Variants in TRAPPC3L observed in about 807,000 individuals in gnomAD.
TRAPPC3L encodes the protein trafficking protein particle complex subunit 3L.
Under a neutral mutation model 23.7 loss-of-function variants are expected in TRAPPC3L, and 23 were observed. The ratio of observed to expected loss-of-function variants is 0.97; its 90% CI spans 0.70 to 1.37. The LOEUF is 1.37. Ranked by LOEUF, TRAPPC3L falls within the 40% of genes most tolerant of loss-of-function variation. The probability of loss-of-function intolerance (pLI) is 0.00; values close to 1 mark genes in which losing one functional copy is unlikely to be tolerated. For missense variants in TRAPPC3L, 212 were observed against 216.8 expected (o/e 0.98, Z 0.14); for synonymous variants, 81 against 77.9 (o/e 1.04, Z -0.21).
intron 3 of TRAPPC3L, chr6:116,517,855 C>A (rs192814234): frequency 6.6e-6 from 1 of 152,058 alleles, no homozygotes; most frequent in Admixed American, 6.6e-5. Context: ...AAGGTTGAGT[C>A]GATCACAAAT....
chr6:116,515,622 G>C (rs1299115827), intron 3 of TRAPPC3L: 2 of 1,612,624 alleles, frequency 1.2e-6, no homozygotes, highest in South Asian at 1.1e-5. Flanking sequence ...TGCCTGATTT[G>C]TTCAGCGTCT....
intron 3 of TRAPPC3L, chr6:116,512,410 G>T: frequency 1.4e-6 from 1 of 694,868 alleles, no homozygotes; most frequent in South Asian, 2.4e-5. Flanking sequence ...AGGCTGGGTG[G>T]CTCAATAAAG....
intron 3 of TRAPPC3L, among the ~76,000 whole-genome samples, chr6:116,532,090 GA>G (rs1772762497): frequency 6.6e-6 from 1 of 152,214 alleles, no homozygotes; most frequent in South Asian, 2.1e-4. Flanking sequence ...TCAGTGTAAT[GA>G]AAATTGCTTG....
intron 3 of TRAPPC3L, among the ~76,000 whole-genome samples, chr6:116,509,381 C>T (rs1439861855): frequency 6.6e-6 from 1 of 152,020 alleles, no homozygotes; most frequent in Non-Finnish European, 1.5e-5. Context: ...AGAGCCCCAA[C>T]AGCCAAAGCA....
chr6:116,505,130 G>A lies in TRAPPC3L; in HGVS notation c.241-4464C>T, dbSNP rs1367367436. On this transcript the variant is annotated intron_variant, in intron 3 of 4. Coordinates refer to ENST00000368602, the MANE Select transcript of TRAPPC3L (RefSeq NM_001139444.3). ...ATATTTAGAAAACCCCATTGTCTCA[G>A]CCCAAAATCTCCTTAAGCTGATAAG... Among the ~76,000 whole-genome samples the A allele has an allele frequency of 3.3e-5, 5 of 152,150 alleles. 1 individual carries two copies. The highest frequency in any genetic ancestry group is 1.2e-4 in the African/African-American group (5 of 41,432).
At chr6:116,510,897 G>A (rs1035424988) in intron 3 of TRAPPC3L, among the ~76,000 whole-genome samples, 3 of 151,840 alleles carry the variant, frequency 2.0e-5, no homozygotes, top group African/African-American at 4.8e-5. Context: ...TATTCCAAGC[G>A]AAGTAACTCG....
intron 3 of TRAPPC3L, chr6:116,517,332 T>C (rs1772248058): frequency 1.3e-5 from 2 of 152,168 alleles, no homozygotes; most frequent in Admixed American, 6.6e-5. Context: ...CTTACATTTA[T>C]CAGAAATAAT....
rs144076743 is a variant in TRAPPC3L, at chr6:116,532,236, GTTC to G, written c.240+8124_240+8126del. Among the ~76,000 whole-genome samples, 441 of 152,256 alleles carry G rather than the reference GTTC, an allele frequency of 2.9e-3. 9 individuals carry two copies. In the East Asian group the frequency reaches 0.077, roughly 27 times the overall value. ...GAGCAACAGGGTGTAGATGTGAAAA[GTTC>G]TTCTAGTATTTTCTCTCTTTTTTGT... On this transcript the variant is annotated intron_variant, in intron 3 of 4. Transcript: ENST00000368602.
intron 2 of TRAPPC3L, 129 bp from the exon 3 acceptor site, chr6:116,540,591 T>C: frequency 1.1e-6 from 1 of 882,132 alleles, no homozygotes; most frequent in Non-Finnish European, 1.8e-6. Flanking sequence ...ATATGACGAG[T>C]CAAATGGCTT....
At chr6:116,504,444 C>T (rs555390528) in intron 3 of TRAPPC3L, among the ~76,000 whole-genome samples, 4 of 152,142 alleles carry the variant, frequency 2.6e-5, no homozygotes, top group African/African-American at 9.7e-5. Context: ...CCAAATTCTA[C>T]CAAGAGGTAC....
intron 4 of TRAPPC3L, among the ~76,000 whole-genome samples, chr6:116,497,897 A>T (rs10485186): frequency 6.6e-6 from 1 of 152,136 alleles, no homozygotes; most frequent in Non-Finnish European, 1.5e-5. Flanking sequence ...AATCTTACCT[A>T]ACTCAGTCCC....
At position 116,527,436 on chromosome 6, in the gene TRAPPC3L, A is replaced by C. The variant is rs377571783; in HGVS notation, c.240+12927T>G. Among the ~76,000 whole-genome samples, 575 of 149,738 alleles carry C rather than the reference A, an allele frequency of 3.8e-3. 19 individuals are homozygous for C. In the South Asian group the frequency reaches 0.067, roughly 17 times the overall value. ...AGGCTGAGGCAGGAGAATGGCGTGAACCGGGGAGGCGGAGCTTGCAGTGAG... is the reference window on the plus strand; with the variant it reads ...AGGCTGAGGCAGGAGAATGGCGTGACCCGGGGAGGCGGAGCTTGCAGTGAG... On this transcript the variant is annotated intron_variant, in intron 3 of 4. Coordinates refer to ENST00000368602, the MANE Select transcript of TRAPPC3L (RefSeq NM_001139444.3).
chr6:116,537,376 T>C (rs990100313), intron 3 of TRAPPC3L, among the ~76,000 whole-genome samples: 2 of 152,182 alleles, frequency 1.3e-5, no homozygotes, highest in African/African-American at 4.8e-5. Flanking sequence ...TTGGTGAAAA[T>C]TGTGTACCAT....
At chr6:116,527,123 C>A (rs1267976719) in intron 3 of TRAPPC3L, among the ~76,000 whole-genome samples, 1 of 152,192 alleles carries the variant, frequency 6.6e-6, no homozygotes, top group East Asian at 1.9e-4. Flanking sequence ...TAATTCTTGT[C>A]TTCTTGCCTC....
At position 116,495,294 on chromosome 6, in the gene TRAPPC3L, A is replaced by T. The variant is rs1348589187; in HGVS notation, c.*1660T>A. ...CTGTCTTTCTGTCCTGACATATTTCATTGAACATAATGACCTCTAGTTCCA... is the reference window on the plus strand; with the variant it reads ...CTGTCTTTCTGTCCTGACATATTTCTTTGAACATAATGACCTCTAGTTCCA... On this transcript the variant is annotated 3_prime_UTR_variant, in exon 5 of 5. Coordinates refer to ENST00000368602, the MANE Select transcript of TRAPPC3L (RefSeq NM_001139444.3). 6.6e-6 allele frequency: 1 copy of T among 151,996 alleles called. No individual in the cohort carries two copies. The highest frequency in any genetic ancestry group is 2.4e-5 in the African/African-American group (1 of 41,372). The allele number at this position is 151,996 out of a possible 1,614,324, so 9.4% of individuals were successfully genotyped here.
At chr6:116,541,523 G>A (rs1410069204) in intron 2 of TRAPPC3L, among the ~76,000 whole-genome samples, 4 of 152,234 alleles carry the variant, frequency 2.6e-5, no homozygotes, top group East Asian at 3.9e-4. Context: ...GGAGGGAGAC[G>A]GATTTGATGT....
In TRAPPC3L at chr6:116,495,003, A is replaced by G. The variant is rs1771813979; in HGVS notation, c.*1951T>C. On this transcript the variant is annotated 3_prime_UTR_variant, in exon 5 of 5. Transcript: ENST00000368602. Reference sequence around the variant, plus strand: ...TTTTTTTTTGTAGAGACAGGGGTCTATGTTACCCAAGCTGGTCTCAAACTC... The same window carrying G: ...TTTTTTTTTGTAGAGACAGGGGTCTGTGTTACCCAAGCTGGTCTCAAACTC... 2.2e-5 allele frequency: 2 copies of G among 92,140 alleles called. No homozygotes were observed. The highest frequency in any genetic ancestry group is 4.0e-5 in the Non-Finnish European group (2 of 49,922). The allele number at this position is 92,140 out of a possible 1,614,324, so 5.7% of individuals were successfully genotyped here. A position where few individuals can be genotyped will look rare whatever the true frequency, so the allele number is the denominator to read the frequency against.
intron 3 of TRAPPC3L, chr6:116,523,024 G>A (rs1772374328): frequency 8.1e-6 from 1 of 123,992 alleles, no homozygotes; most frequent in African/African-American, 3.0e-5. Flanking sequence ...TGATTCAGTA[G>A]GTCTGGGGTG....
chr6:116,505,934 A>G (rs1771998085), intron 3 of TRAPPC3L, among the ~76,000 whole-genome samples: 1 of 152,216 alleles, frequency 6.6e-6, no homozygotes, highest in Non-Finnish European at 1.5e-5. Flanking sequence ...AACCTAGGCA[A>G]TACCATTCAG....
Sources: gnomAD v4.1 joint callset for allele counts (sites outside exome capture counted in the v4.1 genomes callset) on GRCh38, gnomAD v4.1.1 for gene constraint, MANE v1.5 for transcripts, NCBI Gene and HGNC (gene_info 2026-07-23, HGNC 2026-07-21) for gene names.